PRDM16: variants seen among roughly 807,000 people sequenced by gnomAD.
The protein encoded by PRDM16 is histone-lysine N-methyltransferase PRDM16.
PRDM16 carries 23 observed loss-of-function variants against 110.6 expected under a neutral mutation model. The observed-to-expected ratio is 0.21, with a 90% CI of 0.15 to 0.29. The LOEUF (loss-of-function observed/expected upper bound fraction) is 0.29. PRDM16 is among the 10% of genes least tolerant of loss of function. The probability of loss-of-function intolerance (pLI) is 1.00; values close to 1 mark genes in which losing one functional copy is unlikely to be tolerated. For missense variants in PRDM16, 1,615 were observed against 1,794.3 expected, an observed-to-expected ratio of 0.90 and a Z score of 1.81; for synonymous variants, 799 against 781.8, an observed-to-expected ratio of 1.02 and a Z score of -0.37.
chr1:3,087,901 T>C (rs1033807004), intron 1 of PRDM16, among the ~76,000 whole-genome samples: 4 of 152,066 alleles, frequency 2.6e-5, no homozygotes, highest in Non-Finnish European at 5.9e-5. Flanking sequence ...GGCCTCCTGT[T>C]TGTGGTTGAG....
chr1:3,251,787 G>T (rs1170843472), intron 3 of PRDM16, among the ~76,000 whole-genome samples: 1 of 152,234 alleles, frequency 6.6e-6, no homozygotes, highest in Non-Finnish European at 1.5e-5. Context: ...AATAAACCCT[G>T]TCCATAATCT....
intron 3 of PRDM16, among the ~76,000 whole-genome samples, chr1:3,319,732 C>T (rs749783006): frequency 6.6e-6 from 1 of 152,188 alleles, no homozygotes; most frequent in South Asian, 2.1e-4. Flanking sequence ...TGCTGGCCTC[C>T]AATCTGGGGC....
At chr1:3,301,221 C>T (rs1437552003) in intron 3 of PRDM16, among the ~76,000 whole-genome samples, 1 of 151,634 alleles carries the variant, frequency 6.6e-6, no homozygotes. Context: ...GTCCTAGCTA[C>T]TCAGGAGGCT....
intron 1 of PRDM16, among the ~76,000 whole-genome samples, chr1:3,114,270 A>G (rs1013819770): frequency 1.4e-5 from 2 of 146,528 alleles, no homozygotes; most frequent in South Asian, 2.2e-4. Flanking sequence ...GCACACGTAC[A>G]CACACGCACA....
rs377034282 is a variant in PRDM16, at chr1:3,139,587, G to A, written c.38-46538G>A. Among the ~76,000 whole-genome samples, 224 of 151,856 alleles carry A rather than the reference G, an allele frequency of 1.5e-3. 5 individuals are homozygous for A. The South Asian group carries it at 0.044, about 30-fold the overall frequency. On this transcript the variant is annotated intron_variant, in intron 1 of 16. Coordinates refer to ENST00000270722, the MANE Select transcript of PRDM16 (RefSeq NM_022114.4). Reference sequence around the variant, plus strand: ...GCTCTCTGTCACCATGAATGCCATCGCGAATAATGCCAAGCATTGTTACAA... The same window carrying A: ...GCTCTCTGTCACCATGAATGCCATCACGAATAATGCCAAGCATTGTTACAA...
intron 1 of PRDM16, among the ~76,000 whole-genome samples, chr1:3,178,185 C>T (rs891359512): frequency 6.6e-6 from 1 of 152,262 alleles, no homozygotes; most frequent in Middle Eastern, 3.4e-3. Flanking sequence ...GGGTTTGGTC[C>T]CCTCACACCC....
chr1:3,289,261 C>T (rs1269493305), intron 3 of PRDM16, among the ~76,000 whole-genome samples: 2 of 152,204 alleles, frequency 1.3e-5, no homozygotes, highest in Non-Finnish European at 2.9e-5. Flanking sequence ...CCCAAGCCCC[C>T]TGCCTAGGCC....
chr1:3,289,818 C>T (rs926761312), intron 3 of PRDM16, among the ~76,000 whole-genome samples: 11 of 152,120 alleles, frequency 7.2e-5, no homozygotes, highest in East Asian at 5.8e-4. Flanking sequence ...GAAAGAAGGC[C>T]GGGGCCCCGC....
intron 3 of PRDM16, among the ~76,000 whole-genome samples, chr1:3,373,010 G>A (rs1457005204): frequency 6.6e-6 from 1 of 152,212 alleles, no homozygotes; most frequent in African/African-American, 2.4e-5. Context: ...AAATTGCCCA[G>A]ATGTTGTTAT....
chr1:3,226,133 G>A (rs1303280562), intron 2 of PRDM16, among the ~76,000 whole-genome samples: 3 of 152,212 alleles, frequency 2.0e-5, no homozygotes, highest in Non-Finnish European at 4.4e-5. Context: ...GTAAGGCTGG[G>A]AGCAGCTATC....
At chr1:3,107,883 C>G (rs1301508212) in intron 1 of PRDM16, among the ~76,000 whole-genome samples, 1 of 152,242 alleles carries the variant, frequency 6.6e-6, no homozygotes, top group African/African-American at 2.4e-5. Flanking sequence ...ATGTGTCTAG[C>G]CTGGGGCTGG....
chr1:3,275,833 G>C (rs1382094918), intron 3 of PRDM16, among the ~76,000 whole-genome samples: 5 of 152,320 alleles, frequency 3.3e-5, no homozygotes, highest in Middle Eastern at 3.4e-3. Flanking sequence ...GCGTGGAAGT[G>C]GGTGGCACCC....
At position 3,175,845 on chromosome 1, in the gene PRDM16, G is replaced by A. The variant is rs1462147510; in HGVS notation, c.38-10280G>A. 2.0e-5 allele frequency among the ~76,000 whole-genome samples: 3 copies of A among 152,276 alleles called. No homozygotes were observed. Among genetic ancestry groups the A allele is most frequent in the Non-Finnish European group, 4.4e-5 (3 of 68,026 alleles). ...AAGGGCAGAGAGGAGCCAGGGTTGT[G>A]TTAATGGAGCTTCACGGCTAGGGAA... is the stretch of plus-strand genomic sequence containing the variant. On this transcript the variant is annotated intron_variant, in intron 1 of 16. Transcript: ENST00000270722. The surrounding 1 kb of genome is among the most constrained non-coding windows in gnomAD (Gnocchi z 4.8).
At chr1:3,178,106 TGAG>T (rs1294180570) in intron 1 of PRDM16, among the ~76,000 whole-genome samples, 2 of 152,156 alleles carry the variant, frequency 1.3e-5, no homozygotes, top group Non-Finnish European at 2.9e-5. Context: ...TTTGGCGAGC[TGAG>T]GAGTGGATCC....
At chr1:3,131,818 G>A (rs1643341295) in intron 1 of PRDM16, among the ~76,000 whole-genome samples, 1 of 152,096 alleles carries the variant, frequency 6.6e-6, no homozygotes, top group South Asian at 2.1e-4. Flanking sequence ...GCTGCCCTGG[G>A]GTCTCCAGGC....
intron 3 of PRDM16, among the ~76,000 whole-genome samples, chr1:3,281,810 C>T (rs970547762): frequency 6.6e-6 from 1 of 152,242 alleles, no homozygotes; most frequent in African/African-American, 2.4e-5. Flanking sequence ...ATGGTCCGAT[C>T]GATGAGTTGC....
intron 1 of PRDM16, among the ~76,000 whole-genome samples, chr1:3,140,595 A>G (rs1443741164): frequency 1.3e-5 from 2 of 152,232 alleles, no homozygotes; most frequent in African/African-American, 2.4e-5. Context: ...ATTAAGGGCT[A>G]TTTATCTTTT....
chr1:3,113,561 C>T (rs934428747), intron 1 of PRDM16, among the ~76,000 whole-genome samples: 7 of 152,286 alleles, frequency 4.6e-5, no homozygotes, highest in Admixed American at 6.5e-5. Flanking sequence ...CGGGAGGGGC[C>T]TGCGTCCATG....
chr1:3,392,589 T>C (rs1409730168), intron 4 of PRDM16, among the ~76,000 whole-genome samples: 1 of 152,234 alleles, frequency 6.6e-6, no homozygotes, highest in Non-Finnish European at 1.5e-5. Context: ...AGCTTCATAT[T>C]CGAAAGTCGT....
Sources: gnomAD v4.1 joint callset for allele counts (sites outside exome capture counted in the v4.1 genomes callset) on GRCh38, gnomAD v4.1.1 for gene constraint, Gnocchi (gnomAD v3.1) non-coding constraint, MANE v1.5 for transcripts, NCBI Gene and HGNC (gene_info 2026-07-23, HGNC 2026-07-21) for gene names.